The following PHF3 variants were observed in gnomAD, a reference collection of about 807,000 sequenced individuals.
PHF3 encodes the protein PHD finger protein 3.
PHF3 carries 41 observed loss-of-function variants against 178.4 expected under a neutral mutation model. The observed-to-expected ratio is 0.23, with a 90% confidence interval of 0.18 to 0.30. The LOEUF (loss-of-function observed/expected upper bound fraction) is 0.30, where lower values mean the gene tolerates loss of function less well. Ranked by LOEUF, PHF3 falls within the 10% of genes least tolerant of loss-of-function variation. PHF3 has a pLI of 1.00. For synonymous variants in PHF3, 842 were observed against 800.5 expected, an observed-to-expected ratio of 1.05 and a Z score of -0.88; for missense variants, 2,346 against 2,398.1, an observed-to-expected ratio of 0.98 and a Z score of 0.45.
intron 2 of PHF3, among the ~76,000 whole-genome samples, chr6:63,669,975 A>G (rs77370069): frequency 5.3e-5 from 8 of 151,164 alleles, no homozygotes; most frequent in Non-Finnish European, 1.0e-4. Flanking sequence ...CAGAGTTGAC[A>G]TTTTTTTTTC....
At position 63,654,829 on chromosome 6, in the gene PHF3, C is replaced by T. The variant is rs181816179; in HGVS notation, c.244+8034C>T. ...ATTTTCGCTTTTGCTGGTTATGACCCGTTGACTGAGGTGTTTCAGTGGGGA... is the reference window on the plus strand; with the variant it reads ...ATTTTCGCTTTTGCTGGTTATGACCTGTTGACTGAGGTGTTTCAGTGGGGA... On this transcript the variant is annotated intron_variant, in intron 2 of 15. Transcript: ENST00000262043. Among the ~76,000 whole-genome samples the T allele has an allele frequency of 4.9e-3, 729 of 150,270 alleles. 6 individuals carry two copies. The highest frequency in any genetic ancestry group is 8.1e-3 in the Non-Finnish European group (548 of 67,780).
chr6:63,703,787 T>G (rs1212367239), intron 11 of PHF3, 116 bp downstream of exon 11: 2 of 918,042 alleles, frequency 2.2e-6, no homozygotes, highest in Non-Finnish European at 3.2e-6. Flanking sequence ...GGTGAGGCAC[T>G]CACTCACAGT....
chr6:63,721,033 T>G lies in PHF3; in HGVS notation c.*7325T>G. 1 of 1,551,366 alleles carries G rather than the reference T, an allele frequency of 6.4e-7. No individual in the cohort carries two copies. On this transcript the variant is annotated 3_prime_UTR_variant, in exon 16 of 16. Coordinates refer to ENST00000262043, the MANE Select transcript of PHF3 (RefSeq NM_001370348.2). The stretch of plus-strand genomic sequence containing the variant: ...AAATCATTTTCTTCATTTTGAGCTA[T>G]TCCCATCCATACAATTAGACCTTCT...
chr6:63,678,850 C>T, intron 2 of PHF3: 1 of 452,614 alleles, frequency 2.2e-6, no homozygotes, highest in Non-Finnish European at 4.4e-6. Context: ...TCTTGTTGAG[C>T]TCTTTTAAAT....
chr6:63,703,846 A>G (rs1414612477), intron 11 of PHF3, among the ~76,000 whole-genome samples, 175 bp downstream of exon 11: 1 of 152,112 alleles, frequency 6.6e-6, no homozygotes, highest in Non-Finnish European at 1.5e-5. Flanking sequence ...ATAGTTTGAT[A>G]CTGTGGTATA....
rs553814862 is a variant in PHF3 at position 63,719,791 on chromosome 6, G to T, written c.*6083G>T. The stretch of plus-strand genomic sequence containing the variant: ...TTTGATCAGTTAATATGAGTACATG[G>T]TTTTAAAAAGTCAAATAGTTCTACA... On this transcript the variant is annotated 3_prime_UTR_variant, in exon 16 of 16. Transcript: ENST00000262043. Among the ~76,000 whole-genome samples the T allele has an allele frequency of 6.6e-6, 1 of 152,112 alleles. No homozygotes were observed. The highest frequency in any genetic ancestry group is 1.9e-4 in the East Asian group (1 of 5,188).
chr6:63,719,339 TTTCTC>T lies in PHF3; in HGVS notation c.*5633_*5637del, dbSNP rs554119870. On this transcript the variant is annotated 3_prime_UTR_variant, in exon 16 of 16. Coordinates refer to ENST00000262043, the MANE Select transcript of PHF3 (RefSeq NM_001370348.2). ...ATCAGCCCTTATTTTTTGTAAATCT[TTTCTC>T]TAATTACTTGATGATTAATTTCATA... is the stretch of plus-strand genomic sequence containing the variant. Among the ~76,000 whole-genome samples the T allele has an allele frequency of 1.0e-3, 155 of 152,252 alleles. No homozygotes were observed. The highest frequency in any genetic ancestry group is 3.4e-3 in the Middle Eastern group (1 of 294).
Position 63,685,384 on chromosome 6 carries a change from G to T in PHF3, c.1662G>T (p.Lys554Asn), listed in dbSNP as rs374268940. 20 of 1,613,788 alleles carry T rather than the reference G, an allele frequency of 1.2e-5. No homozygotes were observed. The highest frequency in any genetic ancestry group is 1.7e-5 in the Non-Finnish European group (20 of 1,179,984). ...PVKVRKKQID[K>N]EPKIQSCNSG... is the part of the protein sequence containing the mutation. Reference sequence around the variant, plus strand: ...AAGTCAGAAAAAAACAAATTGATAAGGAGCCAAAGATTCAGAGTTGCAATT... The same window carrying T: ...AAGTCAGAAAAAAACAAATTGATAATGAGCCAAAGATTCAGAGTTGCAATT... The change falls in exon 4 of 16, where the codon AAG becomes AAT. Residue 554 changes from lysine to asparagine, a missense_variant. Coordinates refer to ENST00000262043, the MANE Select transcript of PHF3 (RefSeq NM_001370348.2).
At chr6:63,680,218 AG>A in intron 3 of PHF3, 57 bp downstream of exon 3, 1 of 1,397,346 alleles carries the variant, frequency 7.2e-7, no homozygotes, top group Non-Finnish European at 9.7e-7. Flanking sequence ...CAGATGTGTT[AG>A]GTTATAAACC....
Position 63,720,671 on chromosome 6 carries a change from T to G in PHF3, c.*6963T>G. On this transcript the variant is annotated 3_prime_UTR_variant, in exon 16 of 16. Coordinates refer to ENST00000262043, the MANE Select transcript of PHF3 (RefSeq NM_001370348.2). The stretch of plus-strand genomic sequence containing the variant: ...ATTTAATTAGTTCAATGTTTTTTGG[T>G]TCCTGAAAAAATACAACATCTTTAA... 2 of 1,543,614 alleles carry G rather than the reference T, an allele frequency of 1.3e-6. No individual in the cohort carries two copies. Among genetic ancestry groups the G allele is most frequent in the Non-Finnish European group, 1.7e-6 (2 of 1,143,866 alleles).
At chr6:63,692,195 A>G in intron 5 of PHF3, 152 bp downstream of exon 5, 1 of 644,694 alleles carries the variant, frequency 1.6e-6, no homozygotes. Flanking sequence ...TTTTATTTAA[A>G]ATTTTTTGTC....
chr6:63,697,321 CAAA>C (rs961755632), intron 6 of PHF3, among the ~76,000 whole-genome samples: 3 of 151,548 alleles, frequency 2.0e-5, no homozygotes, highest in Non-Finnish European at 4.4e-5. Flanking sequence ...AAGAGCAAAT[CAAA>C]AAGATTGTAG....
At chr6:63,697,509 G>A (rs2149597419) in intron 6 of PHF3, among the ~76,000 whole-genome samples, 1 of 152,290 alleles carries the variant, frequency 6.6e-6, no homozygotes, top group East Asian at 1.9e-4. Flanking sequence ...CAGTACCAGT[G>A]CTTATTTTTC....
intron 2 of PHF3, among the ~76,000 whole-genome samples, chr6:63,665,486 G>GTTTTTTTTTTTTTTTT (rs11427203): frequency 2.7e-5 from 3 of 111,214 alleles, no homozygotes; most frequent in African/African-American, 3.5e-5. Context: ...GTTTTTTTTT[G>GTTTTTTTTTTTTTTTT]TTTTTTTTTT....
At position 63,721,477 on chromosome 6, in the gene PHF3, T is replaced by C. The variant is rs1211935825; in HGVS notation, c.*7769T>C. ...AATTGTAATTCTTGATTATTTATGA[T>C]AACTTGTCGGATACAGCCTTGAAAA... On this transcript the variant is annotated 3_prime_UTR_variant, in exon 16 of 16. Transcript: ENST00000262043. 4.5e-6 allele frequency: 7 copies of C among 1,551,560 alleles called. No homozygotes were observed. The highest frequency in any genetic ancestry group is 5.2e-6 in the Non-Finnish European group (6 of 1,146,838).
Position 63,711,381 on chromosome 6 carries a change from A to T in PHF3, c.3997+19A>T, listed in dbSNP as rs1206183491. The T allele has an allele frequency of 6.4e-7, 1 of 1,567,398 alleles. No homozygotes were observed. Among genetic ancestry groups the T allele is most frequent in the Non-Finnish European group, 8.7e-7 (1 of 1,150,970 alleles). ...GGACCTGGTAGGTATACGTTTTAAT[A>T]ATAGGATAAGAATGAAATAACATGG... On this transcript the variant is annotated intron_variant, in intron 15 of 15. Coordinates refer to ENST00000262043, the MANE Select transcript of PHF3 (RefSeq NM_001370348.2).
chr6:63,673,107 A>G (rs149535255), intron 2 of PHF3, among the ~76,000 whole-genome samples: 58 of 150,770 alleles, frequency 3.8e-4, no homozygotes, highest in African/African-American at 1.4e-3. Context: ...TGTTTTGTCT[A>G]TGCTTGGGAT....
chr6:63,646,882 T>TTA, intron 2 of PHF3, 87 bp downstream of exon 2: 3 of 1,030,502 alleles, frequency 2.9e-6, no homozygotes, highest in Non-Finnish European at 3.8e-6. Context: ...TTTTCTTTTT[T>TTA]TCTTTTTTTT....
In PHF3 at chr6:63,706,021, G is replaced by A. The variant is rs765195120; in HGVS notation, c.3368-8G>A. 1 of 1,604,634 alleles carries A rather than the reference G, an allele frequency of 6.2e-7. No homozygotes were observed. Among genetic ancestry groups the A allele is most frequent in the African/African-American group, 1.3e-5 (1 of 74,410 alleles). On this transcript the variant is annotated splice_region_variant and splice_polypyrimidine_tract_variant and intron_variant, in intron 11 of 15. Transcript: ENST00000262043. ...CAGTTGGTTTCTTTTGATGTATTCT[G>A]GGCTTAGGTCGAATGGCACCACCTG...
Sources: gnomAD v4.1 joint callset for allele counts (sites outside exome capture counted in the v4.1 genomes callset) on GRCh38, gnomAD v4.1.1 for gene constraint, MANE v1.5 for transcripts, NCBI Gene and HGNC (gene_info 2026-07-23, HGNC 2026-07-21) for gene names.